MYO15B: variants seen among roughly 807,000 people sequenced by gnomAD.
MYO15B encodes myosin XVB pseudogene.
In MYO15B, 207 loss-of-function variants were observed where a neutral mutation model predicts 119.3. The observed-to-expected ratio is 1.73, with a 90% CI of 1.55 to 1.95. The LOEUF (loss-of-function observed/expected upper bound fraction) is 1.95, where lower values mean the gene tolerates loss of function less well. MYO15B is among the 30% of genes most tolerant of loss of function. The pLI is 0.00. For missense variants in MYO15B, 2,264 were observed against 1,203.1 expected (o/e 1.88, Z -13.04); for synonymous variants, 966 against 498.9 (o/e 1.94, Z -12.48).
At chr17:75,621,611 G>A (rs576831710) in intron 52 of MYO15B, 41 bp downstream of exon 52, 2 of 691,570 alleles carry the variant, frequency 2.9e-6, no homozygotes, top group Middle Eastern at 2.4e-4. Flanking sequence ...TGTCTGCAGT[G>A]CCATGAACCT....
At chr17:75,593,369 G>A (rs1259109615) in intron 9 of MYO15B, among the ~76,000 whole-genome samples, 2 of 152,004 alleles carry the variant, frequency 1.3e-5, no homozygotes, top group East Asian at 1.9e-4. Context: ...AGGCCAAGGC[G>A]AGCAGATCAC....
intron 54 of MYO15B, 25 bp downstream of exon 54, chr17:75,623,879 G>GT: frequency 3.6e-6 from 2 of 551,180 alleles, no homozygotes; most frequent in South Asian, 3.2e-5. Flanking sequence ...GTGGCTTCTG[G>GT]GGGTGGCTTC....
chr17:75,626,574 T>G (rs1598967349), exon 64 of MYO15B: 4 of 694,050 alleles, frequency 5.8e-6, no homozygotes, highest in Non-Finnish European at 7.9e-6. Context: ...ATCAGATCAC[T>G]GTTCTAGAAC....
exon 29 of MYO15B, chr17:75,613,743 G>A (rs1236312904): frequency 4.0e-5 from 28 of 702,402 alleles, no homozygotes; most frequent in Non-Finnish European, 6.8e-5. Flanking sequence ...TTGGACCACC[G>A]GGGAGCAGCT....
intron 53 of MYO15B, among the ~76,000 whole-genome samples, chr17:75,623,139 C>T (rs1266227745): frequency 4.6e-5 from 7 of 152,056 alleles, no homozygotes; most frequent in African/African-American, 1.2e-4. Flanking sequence ...CAGACCAGCC[C>T]GGCCAACATG....
In MYO15B at chr17:75,620,238, G is replaced by A. The variant is rs1187936033; in HGVS notation, c.7444-8G>A. 1.4e-5 allele frequency: 10 copies of A among 702,558 alleles called. No individual in the cohort carries two copies. Among genetic ancestry groups the A allele is most frequent in the East Asian group, 2.7e-5 (1 of 37,292 alleles). 43.5% of individuals were successfully genotyped at this position (702,558 alleles called of 1,614,324 possible). ...TGCTGCTCCAGGCCCTCGCCTGCTT[G>A]CCCACAGGACTCCGGCTATGTCATC... On this transcript the variant is annotated splice_region_variant and splice_polypyrimidine_tract_variant and intron_variant, in intron 47 of 63. Transcript: ENST00000645453.
exon 60 of MYO15B, chr17:75,625,182 C>T (rs754883740): frequency 1.7e-5 from 12 of 702,454 alleles, no homozygotes; most frequent in South Asian, 3.0e-5. Flanking sequence ...ACGCGCAGCT[C>T]GCCAGGCTGG....
chr17:75,594,760 G>T lies in MYO15B; in HGVS notation c.3164+1G>T, dbSNP rs779183458. The T allele has an allele frequency of 2.8e-6, 2 of 703,068 alleles. No individual in the cohort carries two copies. Among genetic ancestry groups the T allele is most frequent in the South Asian group, 1.5e-5 (1 of 67,610 alleles). 43.6% of individuals were successfully genotyped at this position (703,068 alleles called of 1,614,324 possible). A position where few individuals can be genotyped will look rare whatever the true frequency, so the allele number is the denominator to read the frequency against. On this transcript the variant is annotated splice_donor_variant, in intron 11 of 63. Transcript: ENST00000645453. LOFTEE classifies it high-confidence loss of function. ...CCGTGGAAAGTGCCTTTGATGCCAG[G>T]TGGCCCTAGAGACGGGTGAGAGTCA...
intron 49 of MYO15B, 131 bp downstream of exon 49, chr17:75,620,767 C>T: frequency 1.4e-6 from 1 of 700,474 alleles, no homozygotes; most frequent in South Asian, 1.5e-5. Flanking sequence ...GGCTGCCCCT[C>T]TGCCCGCTCC....
exon 17 of MYO15B, chr17:75,602,864 A>G (rs1160154865): frequency 3.0e-6 from 2 of 656,264 alleles, no homozygotes; most frequent in African/African-American, 1.8e-5. Context: ...GCAGAGCCCC[A>G]GTCCAGGGGA....
At chr17:75,605,906 C>T (rs756930304) in exon 21 of MYO15B, 37 of 702,090 alleles carry the variant, frequency 5.3e-5, no homozygotes, top group Non-Finnish European at 8.3e-5. Context: ...GGAGGAGCTC[C>T]GGGACCAGCA....
Position 75,590,642 on chromosome 17 carries a change from TCTGTGCTG to T in MYO15B, c.2210_2217del (p.Leu737ProfsTer33), listed in dbSNP as rs2056379760. 1 of 199,844 alleles carries T rather than the reference TCTGTGCTG, an allele frequency of 5.0e-6. No individual in the cohort carries two copies. Among genetic ancestry groups the T allele is most frequent in the Non-Finnish European group, 1.0e-5 (1 of 100,058 alleles). The allele number at this position is 199,844 out of a possible 1,614,324, so 12.4% of individuals were successfully genotyped here. A position where few individuals can be genotyped will look rare whatever the true frequency, so the allele number is the denominator to read the frequency against. On this transcript the variant is annotated frameshift_variant, in exon 2 of 64. Coordinates refer to ENST00000645453, the Ensembl canonical transcript of MYO15B. LOFTEE classifies it high-confidence loss of function. ...TCCCTACAGGCTGGTGTGTGACAGC[TCTGTGCTG>T]CTGTGCCTCAAGAAGAGATTTCACC...
chr17:75,594,550 C>G, exon 10 of MYO15B: 1 of 647,058 alleles, frequency 1.5e-6, no homozygotes, highest in Non-Finnish European at 2.8e-6. Context: ...GCGGGTACCA[C>G]CAGAGTGCCT....
chr17:75,595,893 A>C (rs1475742261), intron 12 of MYO15B, among the ~76,000 whole-genome samples: 1 of 152,196 alleles, frequency 6.6e-6, no homozygotes, highest in African/African-American at 2.4e-5. Context: ...CCCTGCCCTC[A>C]GTCCCTGGAC....
Position 75,589,379 on chromosome 17 carries a change from G to C in MYO15B, c.1322G>C (p.Gly441Ala), listed in dbSNP as rs2056283875. 2.9e-5 allele frequency: 11 copies of C among 382,414 alleles called. No individual in the cohort carries two copies. In the East Asian group the frequency reaches 4.5e-4, roughly 16 times the overall value. The allele number at this position is 382,414 out of a possible 1,614,324, so 23.7% of individuals were successfully genotyped here. A position where few individuals can be genotyped will look rare whatever the true frequency, so the allele number is the denominator to read the frequency against. The change falls in exon 1 of 64, where the codon GGT becomes GCT. Residue 441 changes from glycine to alanine, a missense_variant. By Grantham distance (60) the Gly-to-Ala change is moderately conservative. Transcript: ENST00000645453. The surrounding 1 kb of genome is among the most constrained non-coding windows in gnomAD (Gnocchi z 4.2). ...CGGGGCCACGAGCGAGGGGACGAGG[G>C]TCGGGGCCGCGGGAAAGCGGACGAA...
intron 19 of MYO15B, among the ~76,000 whole-genome samples, chr17:75,605,115 C>T (rs1409121313): frequency 6.9e-6 from 1 of 144,424 alleles, no homozygotes; most frequent in East Asian, 2.1e-4. Context: ...CCAGCCTGGA[C>T]AATGAGAATG....
intron 53 of MYO15B, among the ~76,000 whole-genome samples, chr17:75,622,310 C>T (rs1018220545): frequency 2.6e-5 from 4 of 152,174 alleles, no homozygotes; most frequent in Non-Finnish European, 5.9e-5. Context: ...AGTAAGAATG[C>T]AGGGAAGGGG....
chr17:75,619,096 G>C (rs1205688281), intron 43 of MYO15B, 47 bp from the exon 44 acceptor site: 1 of 702,348 alleles, frequency 1.4e-6, no homozygotes, highest in Non-Finnish European at 2.6e-6. Context: ...CTCTGGGGGT[G>C]GGCTCTGTCT....
chr17:75,610,163 C>G lies in MYO15B; in HGVS notation c.4293-3C>G, dbSNP rs1225036658. 1.4e-6 allele frequency: 1 copy of G among 698,244 alleles called. No individual in the cohort carries two copies. Among genetic ancestry groups the G allele is most frequent in the Admixed American group, 2.0e-5 (1 of 49,666 alleles). The allele number at this position is 698,244 out of a possible 1,614,324, so 43.3% of individuals were successfully genotyped here. A position where few individuals can be genotyped will look rare whatever the true frequency, so the allele number is the denominator to read the frequency against. On this transcript the variant is annotated splice_polypyrimidine_tract_variant and splice_region_variant and intron_variant, in intron 21 of 63. Transcript: ENST00000645453. Reference sequence around the variant, plus strand: ...TTCGCCCCCGCTCTTTCCCGGCCTCCAGGAAGCGGTACCTCCGGCGGCGGG... The same window carrying G: ...TTCGCCCCCGCTCTTTCCCGGCCTCGAGGAAGCGGTACCTCCGGCGGCGGG...
Sources: gnomAD v4.1 joint callset for allele counts (sites outside exome capture counted in the v4.1 genomes callset) on GRCh38, gnomAD v4.1.1 for gene constraint, Gnocchi (gnomAD v3.1) non-coding constraint, MANE v1.5 for transcripts, NCBI Gene and HGNC (gene_info 2026-07-23, HGNC 2026-07-21) for gene names.